Variants in CACNA2D3 observed in about 807,000 individuals in gnomAD.
CACNA2D3 encodes voltage-dependent calcium channel subunit alpha-2/delta-3.
A neutral mutation model predicts 160.6 loss-of-function variants in CACNA2D3; 60 were observed. The observed-to-expected ratio is 0.37, with a 90% CI of 0.30 to 0.46. CACNA2D3 has a LOEUF of 0.46. Among genes scored for constraint, CACNA2D3 ranks in the 20% least tolerant of loss-of-function variants. The pLI is 1.00. For synonymous variants in CACNA2D3, 558 were observed against 492.9 expected (o/e 1.13, Z -1.75); for missense variants, 1,205 against 1,365.0 (o/e 0.88, Z 1.85).
At chr3:54,418,500 T>C (rs1238436458) in intron 4 of CACNA2D3, among the ~76,000 whole-genome samples, 1 of 152,228 alleles carries the variant, frequency 6.6e-6, no homozygotes, top group African/African-American at 2.4e-5. Context: ...CAACACAGCT[T>C]TTGTCTGGTC....
chr3:54,326,440 A>T (rs903659139), intron 3 of CACNA2D3, among the ~76,000 whole-genome samples: 1 of 152,206 alleles, frequency 6.6e-6, no homozygotes, highest in African/African-American at 2.4e-5. Flanking sequence ...CAAGTAAAGC[A>T]TACTCCATCC....
At chr3:55,059,875 C>T (rs1351295984) in intron 35 of CACNA2D3, among the ~76,000 whole-genome samples, 2 of 152,044 alleles carry the variant, frequency 1.3e-5, no homozygotes, top group Non-Finnish European at 2.9e-5. Flanking sequence ...CGTCCCCAGC[C>T]AAACTCCTTT....
intron 17 of CACNA2D3, among the ~76,000 whole-genome samples, chr3:54,850,263 GC>G (rs1425304117): frequency 1.3e-5 from 2 of 152,174 alleles, no homozygotes; most frequent in African/African-American, 2.4e-5. Context: ...CTTCAAAGGG[GC>G]CGGGGGGCTG....
intron 9 of CACNA2D3, among the ~76,000 whole-genome samples, chr3:54,613,564 C>A (rs1027439345): frequency 5.3e-5 from 8 of 152,308 alleles, no homozygotes; most frequent in Admixed American, 3.9e-4. Context: ...GGCTTTCTAT[C>A]CCATATTATG....
rs537200805 is a variant in CACNA2D3 at position 54,489,966 on chromosome 3, G to T, written c.382-13526G>T. On this transcript the variant is annotated intron_variant, in intron 4 of 37. Coordinates refer to ENST00000474759, the MANE Select transcript of CACNA2D3 (RefSeq NM_018398.3). The stretch of plus-strand genomic sequence containing the variant: ...TGAGATGATTGAGTAGTAACCAGAC[G>T]GCACTAAACCTTTGGAGAGGGGCAT... Among the ~76,000 whole-genome samples the T allele has an allele frequency of 3.2e-4, 48 of 152,134 alleles. No homozygotes were observed. In the South Asian group the frequency reaches 9.8e-3, roughly 31 times the overall value.
intron 4 of CACNA2D3, among the ~76,000 whole-genome samples, chr3:54,442,207 C>A (rs1206737084): frequency 6.6e-6 from 1 of 152,258 alleles, no homozygotes. Flanking sequence ...TTCTCCCTTG[C>A]CTCATTCCCC....
chr3:54,607,580 G>T (rs1698662065), intron 9 of CACNA2D3, among the ~76,000 whole-genome samples: 1 of 152,156 alleles, frequency 6.6e-6, no homozygotes, highest in South Asian at 2.1e-4. Context: ...TGCGGGCTAG[G>T]ACACAGAGCA....
At chr3:54,262,287 A>G (rs1190714732) in intron 2 of CACNA2D3, among the ~76,000 whole-genome samples, 3 of 152,142 alleles carry the variant, frequency 2.0e-5, no homozygotes, top group African/African-American at 7.2e-5. Context: ...TGTGTCTCCA[A>G]GGTCGTGATG....
chr3:54,454,323 A>T (rs1700359558), intron 4 of CACNA2D3, among the ~76,000 whole-genome samples: 1 of 152,170 alleles, frequency 6.6e-6, no homozygotes, highest in Non-Finnish European at 1.5e-5. Context: ...AAATCATTAC[A>T]AACGACATTT....
intron 35 of CACNA2D3, among the ~76,000 whole-genome samples, chr3:55,033,383 C>T (rs530122173): frequency 6.6e-6 from 1 of 152,086 alleles, no homozygotes; most frequent in Admixed American, 6.6e-5. Context: ...TGAGTTCTCT[C>T]CTCTAGAGGA....
At chr3:54,667,502 T>C (rs1700088378) in intron 11 of CACNA2D3, among the ~76,000 whole-genome samples, 1 of 152,160 alleles carries the variant, frequency 6.6e-6, no homozygotes, top group South Asian at 2.1e-4. Context: ...TCAGAGACAA[T>C]ATCCCTACCA....
chr3:55,058,735 A>G (rs1034317897), intron 35 of CACNA2D3, among the ~76,000 whole-genome samples: 2 of 152,172 alleles, frequency 1.3e-5, no homozygotes, highest in Non-Finnish European at 2.9e-5. Flanking sequence ...GTAAAAAATA[A>G]AACAAAAATC....
At chr3:54,847,940 A>C (rs1698971010) in intron 17 of CACNA2D3, among the ~76,000 whole-genome samples, 1 of 152,206 alleles carries the variant, frequency 6.6e-6, no homozygotes, top group Non-Finnish European at 1.5e-5. Flanking sequence ...TGAAACAATC[A>C]AACCCAAATC....
chr3:54,764,198 C>T lies in CACNA2D3; in HGVS notation c.1247-20C>T, dbSNP rs757081101. The T allele has an allele frequency of 6.2e-7, 1 of 1,612,958 alleles. No homozygotes were observed. Among genetic ancestry groups the T allele is most frequent in the Admixed American group, 1.7e-5 (1 of 59,972 alleles). Reference sequence around the variant, plus strand: ...CTTTCTGTCTGTTACTAAACTTGGCCCTCCCTTGGGTTTTGACAGGATTTT... The same window carrying T: ...CTTTCTGTCTGTTACTAAACTTGGCTCTCCCTTGGGTTTTGACAGGATTTT... On this transcript the variant is annotated intron_variant, in intron 12 of 37. Coordinates refer to ENST00000474759, the MANE Select transcript of CACNA2D3 (RefSeq NM_018398.3).
chr3:54,434,267 A>C (rs1408298269), intron 4 of CACNA2D3, among the ~76,000 whole-genome samples: 1 of 151,954 alleles, frequency 6.6e-6, no homozygotes, highest in Non-Finnish European at 1.5e-5. Context: ...CTGTGCTTAC[A>C]CTCCCACCCA....
At chr3:54,829,066 A>C (rs1703810560) in intron 14 of CACNA2D3, among the ~76,000 whole-genome samples, 2 of 152,226 alleles carry the variant, frequency 1.3e-5, no homozygotes, top group South Asian at 4.1e-4. Context: ...AAGTAGTGGA[A>C]ATCTAAAGAA....
intron 13 of CACNA2D3, among the ~76,000 whole-genome samples, chr3:54,796,994 T>C (rs796598004): frequency 6.6e-6 from 1 of 152,202 alleles, no homozygotes; most frequent in Non-Finnish European, 1.5e-5. Context: ...TTCTGAATTA[T>C]ACCCCTAAGC....
At chr3:54,323,952 C>G (rs536484170) in intron 3 of CACNA2D3, among the ~76,000 whole-genome samples, 10 of 152,218 alleles carry the variant, frequency 6.6e-5, no homozygotes, top group Admixed American at 6.5e-5. Flanking sequence ...AGTGGTGACT[C>G]CAGGGACGTG....
At position 54,293,926 on chromosome 3, in the gene CACNA2D3, A is replaced by G. The variant is rs541564797; in HGVS notation, c.205-26516A>G. Among the ~76,000 whole-genome samples, 15 of 152,340 alleles carry G rather than the reference A, an allele frequency of 9.8e-5. No individual in the cohort carries two copies. The South Asian group carries it at 3.1e-3, about 32-fold the overall frequency. On this transcript the variant is annotated intron_variant, in intron 2 of 37. Coordinates refer to ENST00000474759, the MANE Select transcript of CACNA2D3 (RefSeq NM_018398.3). ...ACAAATAAAATTGCACACCCAAAAG[A>G]GTGCATGCCTGAAACATTTAAATGC... is the stretch of plus-strand genomic sequence containing the variant.
Sources: gnomAD v4.1 joint callset for allele counts (sites outside exome capture counted in the v4.1 genomes callset) on GRCh38, gnomAD v4.1.1 for gene constraint, MANE v1.5 for transcripts, NCBI Gene and HGNC (gene_info 2026-07-23, HGNC 2026-07-21) for gene names.